The following UBE2E2 variants were observed in gnomAD, a reference collection of about 807,000 sequenced individuals.
UBE2E2 encodes ubiquitin-conjugating enzyme E2 E2.
In UBE2E2, 6 loss-of-function variants were observed where a neutral mutation model predicts 24.7. The ratio of observed to expected loss-of-function variants is 0.24; its 90% CI spans 0.13 to 0.48. The LOEUF is 0.48. Among genes scored for constraint, UBE2E2 ranks in the 20% least tolerant of loss-of-function variants. The pLI, the probability that UBE2E2 is intolerant of heterozygous loss-of-function variation, is 0.99. For missense variants in UBE2E2, 169 were observed against 245.0 expected (o/e 0.69, Z 2.07); for synonymous variants, 104 against 83.6 (o/e 1.24, Z -1.33).
intron 3 of UBE2E2, among the ~76,000 whole-genome samples, chr3:23,226,426 G>A (rs191439460): frequency 3.9e-5 from 6 of 152,042 alleles, no homozygotes; most frequent in Admixed American, 3.9e-4. Context: ...TGTATGTGAT[G>A]TCATTTAGTC....
At chr3:23,489,862 A>G (rs564878637) in intron 3 of UBE2E2, among the ~76,000 whole-genome samples, 11 of 152,242 alleles carry the variant, frequency 7.2e-5, no homozygotes, top group Non-Finnish European at 1.2e-4. Flanking sequence ...AAGGCCTTCA[A>G]TGGAAGTGTT....
intron 3 of UBE2E2, among the ~76,000 whole-genome samples, chr3:23,300,510 C>G (rs1012920866): frequency 6.6e-6 from 1 of 152,084 alleles, no homozygotes; most frequent in Non-Finnish European, 1.5e-5. Flanking sequence ...ATTTGCTTGT[C>G]TGTAAAGTAT....
At chr3:23,293,621 A>G (rs1698828049) in intron 3 of UBE2E2, among the ~76,000 whole-genome samples, 1 of 152,206 alleles carries the variant, frequency 6.6e-6, no homozygotes, top group Admixed American at 6.5e-5. Context: ...TATTCTCCCT[A>G]TGGCTTATTA....
chr3:23,454,977 G>T (rs920250460), intron 3 of UBE2E2, among the ~76,000 whole-genome samples: 3 of 152,202 alleles, frequency 2.0e-5, no homozygotes, highest in Admixed American at 6.5e-5. Flanking sequence ...GAAGCCAAGT[G>T]TGGGGACTTG....
At position 23,330,692 on chromosome 3, in the gene UBE2E2, T is replaced by A. The variant is rs572289917; in HGVS notation, c.227+113380T>A. Among the ~76,000 whole-genome samples the A allele has an allele frequency of 2.0e-5, 3 of 152,326 alleles. 1 individual carries two copies. The highest frequency in any genetic ancestry group is 7.2e-5 in the African/African-American group (3 of 41,584). ...AGATTGGACTAGAAAAAATGTGGGA[T>A]GAATGAATTTAGGATTCTAAAATGC... On this transcript the variant is annotated intron_variant, in intron 3 of 5. Transcript: ENST00000396703.
intron 1 of UBE2E2, among the ~76,000 whole-genome samples, chr3:23,204,172 T>C (rs956247229): frequency 1.5e-5 from 2 of 137,192 alleles, no homozygotes; most frequent in Non-Finnish European, 3.1e-5. Context: ...TTTTCTCCGA[T>C]CTCTCTCATA....
chr3:23,320,586 G>A (rs1004231062), intron 3 of UBE2E2, among the ~76,000 whole-genome samples: 1 of 152,070 alleles, frequency 6.6e-6, no homozygotes, highest in East Asian at 1.9e-4. Flanking sequence ...AAATAGAATC[G>A]TCTTTTAGTT....
At chr3:23,539,099 G>A (rs922527272) in intron 5 of UBE2E2, among the ~76,000 whole-genome samples, 1 of 152,136 alleles carries the variant, frequency 6.6e-6, no homozygotes, top group African/African-American at 2.4e-5. Context: ...GACTCAAAGA[G>A]TTACCAAGAA....
chr3:23,546,460 A>ATTTT (rs899923576), intron 5 of UBE2E2, among the ~76,000 whole-genome samples: 3 of 76,898 alleles, frequency 3.9e-5, no homozygotes, highest in South Asian at 4.4e-4. Context: ...GAACATTTAG[A>ATTTT]TTTTTTTTTT....
chr3:23,465,038 T>C (rs1439816224), intron 3 of UBE2E2, among the ~76,000 whole-genome samples: 1 of 152,194 alleles, frequency 6.6e-6, no homozygotes, highest in East Asian at 1.9e-4. Flanking sequence ...CATCTTAATT[T>C]TTGTGTCAAA....
intron 5 of UBE2E2, among the ~76,000 whole-genome samples, chr3:23,565,159 T>A (rs1696038357): frequency 6.6e-6 from 1 of 152,150 alleles, no homozygotes; most frequent in Admixed American, 6.6e-5. Context: ...TCTTTATGGT[T>A]CTCTTTGAAA....
chr3:23,522,128 A>ATTT (rs34111484), intron 4 of UBE2E2, among the ~76,000 whole-genome samples: 1 of 124,276 alleles, frequency 8.0e-6, no homozygotes, highest in Non-Finnish European at 1.6e-5. Flanking sequence ...TAACCAGCTA[A>ATTT]TTTTTTTTTT....
chr3:23,398,281 C>G (rs1402307137), intron 3 of UBE2E2, among the ~76,000 whole-genome samples: 1 of 129,934 alleles, frequency 7.7e-6, no homozygotes, highest in Non-Finnish European at 1.5e-5. Context: ...CCACTGCACT[C>G]CATTCTGGAC....
chr3:23,451,345 G>A (rs1037926319), intron 3 of UBE2E2, among the ~76,000 whole-genome samples: 1 of 152,166 alleles, frequency 6.6e-6, no homozygotes, highest in Non-Finnish European at 1.5e-5. Flanking sequence ...AATAGAGGTA[G>A]TACTTACCTA....
At chr3:23,564,920 T>C (rs1696030309) in intron 5 of UBE2E2, among the ~76,000 whole-genome samples, 1 of 152,172 alleles carries the variant, frequency 6.6e-6, no homozygotes, top group Non-Finnish European at 1.5e-5. Context: ...TGAGAAGTAA[T>C]AATCAAAACC....
chr3:23,269,354 A>G (rs1361444804), intron 3 of UBE2E2, among the ~76,000 whole-genome samples: 1 of 152,252 alleles, frequency 6.6e-6, no homozygotes, highest in South Asian at 2.1e-4. Flanking sequence ...AAAATTTACA[A>G]GAGAAAAAAC....
intron 3 of UBE2E2, among the ~76,000 whole-genome samples, chr3:23,337,844 T>A (rs7634565): frequency 0.041 from 6,300 of 152,210 alleles, 450 homozygotes; most frequent in African/African-American, 0.14. Flanking sequence ...TTATCTGACA[T>A]ATAGAGAAAG....
chr3:23,463,577 A>G (rs919669449), intron 3 of UBE2E2, among the ~76,000 whole-genome samples: 5 of 152,070 alleles, frequency 3.3e-5, no homozygotes, highest in Non-Finnish European at 5.9e-5. Flanking sequence ...GGGTTCCCAG[A>G]TGCTGGAAAT....
chr3:23,337,450 G>A (rs1328882390), intron 3 of UBE2E2, among the ~76,000 whole-genome samples: 1 of 152,156 alleles, frequency 6.6e-6, no homozygotes, highest in Non-Finnish European at 1.5e-5. Flanking sequence ...TTAAGGAATT[G>A]ATAATCTAGC....
Sources: gnomAD v4.1 joint callset for allele counts (sites outside exome capture counted in the v4.1 genomes callset) on GRCh38, gnomAD v4.1.1 for gene constraint, MANE v1.5 for transcripts, NCBI Gene and HGNC (gene_info 2026-07-23, HGNC 2026-07-21) for gene names.